ADAMTS9: variants seen among roughly 807,000 people sequenced by gnomAD.
The protein encoded by ADAMTS9 is A disintegrin and metalloproteinase with thrombospondin motifs 9.
In ADAMTS9, 107 loss-of-function variants were observed where a neutral mutation model predicts 257.1. The observed-to-expected ratio is 0.42, with a 90% CI of 0.36 to 0.49. The LOEUF is 0.49. Among genes scored for constraint, ADAMTS9 ranks in the 20% least tolerant of loss-of-function variants. ADAMTS9 has a pLI of 0.03. For missense variants in ADAMTS9, 2,353 were observed against 2,469.1 expected, an observed-to-expected ratio of 0.95 and a Z score of 1.00; for synonymous variants, 982 against 880.9, an observed-to-expected ratio of 1.11 and a Z score of -2.03.
chr3:64,549,033 A>C (rs2083237262), intron 31 of ADAMTS9, among the ~76,000 whole-genome samples: 1 of 152,146 alleles, frequency 6.6e-6, no homozygotes, highest in Non-Finnish European at 1.5e-5. Context: ...CACACAAAGA[A>C]GCCTCCAGGT....
At chr3:64,559,862 ACT>A (rs1312163612) in intron 30 of ADAMTS9, among the ~76,000 whole-genome samples, 2 of 152,094 alleles carry the variant, frequency 1.3e-5, no homozygotes, top group Admixed American at 6.5e-5. Flanking sequence ...ATTTCTGAAC[ACT>A]CTCTTACTTT....
intron 32 of ADAMTS9, among the ~76,000 whole-genome samples, chr3:64,543,418 C>T (rs2083154098): frequency 6.6e-6 from 1 of 152,170 alleles, no homozygotes; most frequent in South Asian, 2.1e-4. Flanking sequence ...GCTTATCCAC[C>T]ATGATCAAGT....
chr3:64,539,180 G>C (rs745606413), intron 37 of ADAMTS9, 23 bp downstream of exon 37: 1 of 1,594,214 alleles, frequency 6.3e-7, no homozygotes, highest in Non-Finnish European at 8.6e-7. Context: ...TCCCTGGCAA[G>C]GGGGAAGGCA....
At chr3:64,631,631 AGG>A in intron 15 of ADAMTS9, 81 bp from the exon 16 acceptor site, 2 of 1,319,194 alleles carry the variant, frequency 1.5e-6, no homozygotes, top group South Asian at 2.4e-5. Flanking sequence ...TGGACAACAA[AGG>A]AATAGAATAT....
chr3:64,575,291 C>T (rs1412465677), intron 28 of ADAMTS9, among the ~76,000 whole-genome samples: 2 of 152,136 alleles, frequency 1.3e-5, no homozygotes, highest in African/African-American at 4.8e-5. Flanking sequence ...TTTACAAATT[C>T]AAGACTAGAG....
chr3:64,571,823 G>A (rs1426071619), intron 28 of ADAMTS9, among the ~76,000 whole-genome samples: 3 of 152,150 alleles, frequency 2.0e-5, no homozygotes, highest in South Asian at 2.1e-4. Flanking sequence ...ACCTGATAGA[G>A]GGGCTATCAT....
intron 18 of ADAMTS9, 121 bp from the exon 19 acceptor site, chr3:64,621,361 G>C (rs760755081): frequency 2.2e-4 from 254 of 1,179,132 alleles, no homozygotes; most frequent in Non-Finnish European, 2.7e-4. Flanking sequence ...CAGAGCGTAT[G>C]ATCTCTGTTG....
intron 11 of ADAMTS9, among the ~76,000 whole-genome samples, chr3:64,645,334 A>G (rs1700761506): frequency 6.6e-6 from 1 of 152,208 alleles, no homozygotes. Context: ...ACTCACAAAT[A>G]AGTTTAAAAG....
chr3:64,561,531 C>A, intron 30 of ADAMTS9, 47 bp downstream of exon 30: 1 of 1,572,470 alleles, frequency 6.4e-7, no homozygotes, highest in Admixed American at 1.7e-5. Flanking sequence ...TAGCAAGGGG[C>A]GCACACGTGA....
In ADAMTS9 at chr3:64,532,984, T is replaced by G. The variant is rs9881501; in HGVS notation, c.5718+182A>C. ...CCAGAAGTGAACAAGGCTCTCACAC[T>G]TTAATCACGTGTAAACACTGCACCC... On this transcript the variant is annotated intron_variant, in intron 38 of 39. Coordinates refer to ENST00000498707, the MANE Select transcript of ADAMTS9 (RefSeq NM_182920.2). Among the ~76,000 whole-genome samples the G allele has an allele frequency of 5.3e-3, 804 of 152,310 alleles. 11 individuals carry two copies. Among genetic ancestry groups the G allele is most frequent in the African/African-American group, 0.018 (736 of 41,548 alleles).
chr3:64,686,609 T>C lies in ADAMTS9; in HGVS notation c.475A>G (p.Asn159Asp). The C allele has an allele frequency of 6.2e-7, 1 of 1,613,696 alleles. No homozygotes were observed. Among genetic ancestry groups the C allele is most frequent in the Non-Finnish European group, 8.5e-7 (1 of 1,179,882 alleles). Residue 159 changes from asparagine to aspartate, a missense_variant, in exon 2 of 40, where the codon AAC becomes GAC. Coordinates refer to ENST00000498707, the MANE Select transcript of ADAMTS9 (RefSeq NM_182920.2). The surrounding 1 kb of genome is among the most constrained non-coding windows in gnomAD (Gnocchi z 4.6). Reference protein sequence around the residue: ...HCFYKGYVNTNSEHTAVISLC... With the variant: ...HCFYKGYVNTDSEHTAVISLC... The stretch of plus-strand genomic sequence containing the variant: ...CTGATGACGGCCGTGTGCTCGGAGT[T>C]GGTATTGACATAGCCTTTGTAGAAA...
intron 27 of ADAMTS9, 65 bp downstream of exon 27, chr3:64,596,765 G>C: frequency 6.3e-7 from 1 of 1,575,380 alleles, no homozygotes; most frequent in Non-Finnish European, 8.6e-7. Flanking sequence ...AATAAAATCT[G>C]AATGATAAAT....
rs554962210 is a variant in ADAMTS9 at position 64,687,168 on chromosome 3, A to G, written c.116-200T>C. ...GACCTGTGCTAGGTGCTGAGGATAC[A>G]CTATTCCGAGCCAGACAATTAACAA... On this transcript the variant is annotated intron_variant, in intron 1 of 39. Transcript: ENST00000498707. The surrounding 1 kb of genome is among the most constrained non-coding windows in gnomAD (Gnocchi z 4.4). Among the ~76,000 whole-genome samples the G allele has an allele frequency of 2.6e-5, 4 of 152,216 alleles. No individual in the cohort carries two copies. Among genetic ancestry groups the G allele is most frequent in the Non-Finnish European group, 5.9e-5 (4 of 68,038 alleles).
At chr3:64,546,038 C>T (rs1319600742) in intron 32 of ADAMTS9, among the ~76,000 whole-genome samples, 1 of 152,218 alleles carries the variant, frequency 6.6e-6, no homozygotes, top group African/African-American at 2.4e-5. Context: ...AGCACTAGAA[C>T]ATACAGACTT....
intron 28 of ADAMTS9, among the ~76,000 whole-genome samples, chr3:64,574,382 G>A (rs922376082): frequency 5.9e-5 from 9 of 151,850 alleles, no homozygotes; most frequent in African/African-American, 1.7e-4. Flanking sequence ...AAGAGGTGAC[G>A]TCACTTGCCC....
Position 64,649,697 on chromosome 3 carries a change from G to A in ADAMTS9, c.1545C>T (p.Tyr515=), listed in dbSNP as rs1444747416. Residue 515 remains tyrosine, a synonymous_variant, in exon 10 of 40, where the codon TAC becomes TAT. Transcript: ENST00000498707. The part of the protein sequence containing the change: ...PLPVQLPGIL[Y]NVNKQCELIF... ...TCAATTCACATTGTTTATTCACGTT[G>A]TAAAGGATGCCTGGCAGTTGGACAG... The A allele has an allele frequency of 6.2e-7, 1 of 1,614,042 alleles. No individual in the cohort carries two copies. The highest frequency in any genetic ancestry group is 1.3e-5 in the African/African-American group (1 of 75,046).
chr3:64,523,389 G>C (rs2082874548), intron 38 of ADAMTS9, among the ~76,000 whole-genome samples: 1 of 152,150 alleles, frequency 6.6e-6, no homozygotes. Flanking sequence ...GAAGAGTCTA[G>C]TGGAACTAGT....
intron 38 of ADAMTS9, among the ~76,000 whole-genome samples, chr3:64,531,574 C>A (rs1363593938): frequency 6.6e-6 from 1 of 151,858 alleles, no homozygotes; most frequent in African/African-American, 2.4e-5. Context: ...CTCAAGGGAT[C>A]CTCCCACCTC....
At chr3:64,538,648 A>AAT (rs1308658722) in intron 37 of ADAMTS9, among the ~76,000 whole-genome samples, 4 of 152,158 alleles carry the variant, frequency 2.6e-5, no homozygotes, top group Non-Finnish European at 5.9e-5. Flanking sequence ...TATATCATGC[A>AAT]ATATTCAGAT....
Sources: gnomAD v4.1 joint callset for allele counts (sites outside exome capture counted in the v4.1 genomes callset) on GRCh38, gnomAD v4.1.1 for gene constraint, Gnocchi (gnomAD v3.1) non-coding constraint, MANE v1.5 for transcripts, NCBI Gene and HGNC (gene_info 2026-07-23, HGNC 2026-07-21) for gene names.